The following PDLIM5 variants were observed in gnomAD, a reference collection of about 807,000 sequenced individuals.
PDLIM5 encodes PDZ and LIM domain 5, also known as PDZ and LIM domain protein 5.
In PDLIM5, 34 loss-of-function variants were observed where a neutral mutation model predicts 64.2. That is an observed-to-expected ratio of 0.53 (90% CI 0.40 to 0.71). PDLIM5 has a LOEUF of 0.71. Ranked by LOEUF, PDLIM5 falls within the 30% of genes least tolerant of loss-of-function variation. The pLI is 0.00. For synonymous variants in PDLIM5, 253 were observed against 269.1 expected (o/e 0.94, Z 0.59); for missense variants, 683 against 733.6 (o/e 0.93, Z 0.80).
intron 3 of PDLIM5, among the ~76,000 whole-genome samples, chr4:94,572,993 A>C (rs1486081659): frequency 1.3e-5 from 2 of 152,220 alleles, no homozygotes; most frequent in African/African-American, 4.8e-5. Flanking sequence ...GGAGCCACTC[A>C]AAGATCAGAA....
intron 2 of PDLIM5, among the ~76,000 whole-genome samples, chr4:94,463,567 G>A (rs1442746186): frequency 6.6e-6 from 1 of 152,144 alleles, no homozygotes; most frequent in Non-Finnish European, 1.5e-5. Flanking sequence ...GGAAGAGGAA[G>A]GGTTGGTCTT....
At chr4:94,638,802 C>T (rs958152073) in intron 8 of PDLIM5, among the ~76,000 whole-genome samples, 2 of 152,202 alleles carry the variant, frequency 1.3e-5, no homozygotes, top group African/African-American at 2.4e-5. Flanking sequence ...CTCATTCATT[C>T]ACTTTTGTAT....
At chr4:94,658,611 G>A (rs900492185) in intron 11 of PDLIM5, among the ~76,000 whole-genome samples, 2 of 152,318 alleles carry the variant, frequency 1.3e-5, no homozygotes, top group African/African-American at 4.8e-5. Context: ...CCAAAATAAT[G>A]GAGTTAAAGG....
chr4:94,542,336 T>TAAATA (rs34137049), intron 3 of PDLIM5, among the ~76,000 whole-genome samples: 2,529 of 141,496 alleles, frequency 0.018, 27 homozygotes, highest in African/African-American at 0.024. Flanking sequence ...ATAAATAAAG[T>TAAATA]AAGTAAGTAA....
chr4:94,665,697 T>C lies in PDLIM5; in HGVS notation c.*1630T>C, dbSNP rs1478162062. 2 of 1,116,870 alleles carry C rather than the reference T, an allele frequency of 1.8e-6. No individual in the cohort carries two copies. The highest frequency in any genetic ancestry group is 3.2e-5 in the African/African-American group (2 of 61,652). The allele number at this position is 1,116,870 out of a possible 1,614,324, so 69.2% of individuals were successfully genotyped here. On this transcript the variant is annotated 3_prime_UTR_variant, in exon 13 of 13. Transcript: ENST00000317968. ...TGATCTTTTTGTTTCGTTTTGTTTC[T>C]TCTTCTGCATTTAAAAATTAAAAGA...
chr4:94,538,445 G>C lies in PDLIM5; in HGVS notation c.248+14570G>C, dbSNP rs79831249. Among the ~76,000 whole-genome samples, 1,492 of 152,252 alleles carry C rather than the reference G, an allele frequency of 9.8e-3. 16 individuals are homozygous for C. Among genetic ancestry groups the C allele is most frequent in the Non-Finnish European group, 0.017 (1,129 of 68,002 alleles). On this transcript the variant is annotated intron_variant, in intron 3 of 12. Transcript: ENST00000317968. ...ACTGTGACAGCTCTGTGACAACTCT[G>C]TCACAGTAGTGACACAGGAATTGGA...
At chr4:94,530,191 A>G (rs1730739014) in intron 3 of PDLIM5, among the ~76,000 whole-genome samples, 1 of 152,124 alleles carries the variant, frequency 6.6e-6, no homozygotes, top group African/African-American at 2.4e-5. Flanking sequence ...TGATTTCTAA[A>G]TTCCCTTTTT....
chr4:94,487,655 G>A (rs1027804534), intron 2 of PDLIM5, among the ~76,000 whole-genome samples: 1 of 152,174 alleles, frequency 6.6e-6, no homozygotes, highest in African/African-American at 2.4e-5. Context: ...ATTAGGAATG[G>A]AGACTTCATG....
rs574822712 is a variant in PDLIM5 at position 94,562,871 on chromosome 4, G to T, written c.249-10480G>T. On this transcript the variant is annotated intron_variant, in intron 3 of 12. Transcript: ENST00000317968. Reference sequence around the variant, plus strand: ...CATAGAAAAGGTATCAGAAGAAGAAGAATATAATTTATGTTTTCTATGGTT... The same window carrying T: ...CATAGAAAAGGTATCAGAAGAAGAATAATATAATTTATGTTTTCTATGGTT... 6.2e-4 allele frequency among the ~76,000 whole-genome samples: 94 copies of T among 152,132 alleles called. 1 individual carries two copies. The South Asian group carries it at 0.017, about 27-fold the overall frequency.
chr4:94,516,526 C>G (rs1264648890), intron 2 of PDLIM5, among the ~76,000 whole-genome samples: 2 of 151,874 alleles, frequency 1.3e-5, no homozygotes, highest in African/African-American at 4.8e-5. Context: ...CTCTCTCTCT[C>G]TCTCTCTTTT....
intron 2 of PDLIM5, among the ~76,000 whole-genome samples, chr4:94,460,620 C>CAA (rs1305320300): frequency 3.4e-5 from 3 of 87,756 alleles, no homozygotes; most frequent in African/African-American, 1.2e-4. Flanking sequence ...GACCCTGTCT[C>CAA]AAAAAAAAAA....
At chr4:94,577,312 C>A in intron 5 of PDLIM5, 2 of 456,474 alleles carry the variant, frequency 4.4e-6, no homozygotes, top group South Asian at 3.1e-5. Context: ...GCTGTGCTTT[C>A]TGTAGCACTG....
intron 3 of PDLIM5, among the ~76,000 whole-genome samples, chr4:94,555,973 G>A (rs2110223546): frequency 6.6e-6 from 1 of 151,924 alleles, no homozygotes; most frequent in Admixed American, 6.6e-5. Flanking sequence ...TGTTACATAT[G>A]TATACATGTG....
At chr4:94,533,140 A>G (rs1032467230) in intron 3 of PDLIM5, among the ~76,000 whole-genome samples, 1 of 152,252 alleles carries the variant, frequency 6.6e-6, no homozygotes, top group African/African-American at 2.4e-5. Flanking sequence ...TCTTCAATTC[A>G]GTAGGCCTTA....
chr4:94,501,128 A>G (rs1662941899), intron 2 of PDLIM5, among the ~76,000 whole-genome samples: 1 of 149,872 alleles, frequency 6.7e-6, no homozygotes, highest in Non-Finnish European at 1.5e-5. Flanking sequence ...GCTGGAGTAC[A>G]GTGGCAGGAA....
At chr4:94,603,046 G>A (rs1177303561) in intron 7 of PDLIM5, among the ~76,000 whole-genome samples, 1 of 152,162 alleles carries the variant, frequency 6.6e-6, no homozygotes. Flanking sequence ...GAAGAACTTA[G>A]TTTGTTCAAG....
chr4:94,504,337 G>C (rs145547737), intron 2 of PDLIM5, among the ~76,000 whole-genome samples: 1 of 151,736 alleles, frequency 6.6e-6, no homozygotes, highest in Non-Finnish European at 1.5e-5. Context: ...CACCAGGTTG[G>C]AGTGCGGTGG....
chr4:94,568,857 A>G (rs993324365), intron 3 of PDLIM5, among the ~76,000 whole-genome samples: 2 of 152,224 alleles, frequency 1.3e-5, no homozygotes, highest in African/African-American at 4.8e-5. Flanking sequence ...TAAGGAGATA[A>G]CAAGTTAAGT....
At chr4:94,546,052 C>T (rs1434438974) in intron 3 of PDLIM5, among the ~76,000 whole-genome samples, 1 of 152,138 alleles carries the variant, frequency 6.6e-6, no homozygotes. Flanking sequence ...GGTTGTAACT[C>T]AGTTCAGTAG....
Sources: gnomAD v4.1 joint callset for allele counts (sites outside exome capture counted in the v4.1 genomes callset) on GRCh38, gnomAD v4.1.1 for gene constraint, MANE v1.5 for transcripts, NCBI Gene and HGNC (gene_info 2026-07-23, HGNC 2026-07-21) for gene names.